The following OR51B5 variants were observed in gnomAD, a reference collection of about 807,000 sequenced individuals.
OR51B5 encodes the protein olfactory receptor family 51 subfamily B member 5, also known as olfactory receptor 51B5.
For missense variants in OR51B5, 456 were observed against 374.6 expected, an observed-to-expected ratio of 1.22 and a Z score of -1.79; for synonymous variants, 186 against 144.8, an observed-to-expected ratio of 1.28 and a Z score of -2.04.
chr11:5,474,439 C>A (rs1851273869), intron 1 of OR51B5, among the ~76,000 whole-genome samples: 1 of 152,092 alleles, frequency 6.6e-6, no homozygotes, highest in African/African-American at 2.4e-5. Flanking sequence ...CCCTACTAGC[C>A]TGCTAAGTAC....
chr11:5,413,841 C>A (rs1589982801), intron 1 of OR51B5, among the ~76,000 whole-genome samples: 2 of 151,560 alleles, frequency 1.3e-5, no homozygotes, highest in African/African-American at 2.4e-5. Context: ...AGAATGCAAC[C>A]AAGTTGGAAA....
At chr11:5,379,644 T>G (rs1259243726) in intron 1 of OR51B5, among the ~76,000 whole-genome samples, 6 of 151,926 alleles carry the variant, frequency 3.9e-5, no homozygotes, top group African/African-American at 1.2e-4. Flanking sequence ...TTGTGTTTTA[T>G]TTTTTAATTG....
At chr11:5,441,407 G>C (rs761275103) in intron 1 of OR51B5, 2 of 1,613,954 alleles carry the variant, frequency 1.2e-6, no homozygotes, top group South Asian at 2.2e-5. Context: ...AGATCATGTA[G>C]AGGATGCAGA....
intron 1 of OR51B5, among the ~76,000 whole-genome samples, chr11:5,438,591 T>C (rs1055209050): frequency 1.3e-5 from 2 of 152,216 alleles, no homozygotes; most frequent in Admixed American, 1.3e-4. Flanking sequence ...TTGCTCTTTT[T>C]TAGATATTTA....
chr11:5,460,489 A>G (rs1056561058), intron 1 of OR51B5, among the ~76,000 whole-genome samples: 42 of 151,842 alleles, frequency 2.8e-4, no homozygotes, highest in Admixed American at 1.2e-3. Context: ...AACTCGAGTC[A>G]TTTTACTGCT....
chr11:5,377,366 C>A (rs1002800791), intron 1 of OR51B5, among the ~76,000 whole-genome samples: 1 of 152,128 alleles, frequency 6.6e-6, no homozygotes, highest in African/African-American at 2.4e-5. Context: ...ACTGAATGGG[C>A]AAAAACTGGA....
intron 1 of OR51B5, among the ~76,000 whole-genome samples, chr11:5,479,165 G>A (rs1008188810): frequency 6.8e-4 from 100 of 147,522 alleles, no homozygotes; most frequent in Admixed American, 1.3e-3. Context: ...CGGATCTCTC[G>A]GCAGAAACCC....
intron 1 of OR51B5, chr11:5,455,144 CTTCTT>C (rs1850931081): frequency 6.6e-6 from 1 of 152,146 alleles, no homozygotes; most frequent in Non-Finnish European, 1.5e-5. Context: ...TTCTTCTTTA[CTTCTT>C]TTATCTGCCC....
At position 5,415,584 on chromosome 11, in the gene OR51B5, T is replaced by C. The variant is rs1241762703; in HGVS notation, n.85-68674A>G. On this transcript the variant is annotated intron_variant and non_coding_transcript_variant, in intron 1 of 4. Coordinates refer to the OR51B5 transcript ENST00000415970. ...ATCAAATAGATGCAATGAAAAATGA[T>C]AAAGGGGATATCACCACCGATCCCA... Among the ~76,000 whole-genome samples, 9 of 151,980 alleles carry C rather than the reference T, an allele frequency of 5.9e-5. No homozygotes were observed. The East Asian group carries it at 1.5e-3, about 26-fold the overall frequency.
At chr11:5,432,735 G>A (rs1850549624) in intron 1 of OR51B5, among the ~76,000 whole-genome samples, 1 of 152,176 alleles carries the variant, frequency 6.6e-6, no homozygotes, top group African/African-American at 2.4e-5. Context: ...AGGACCCAGA[G>A]AGAAAAATTG....
chr11:5,439,205 A>G (rs1415294708), intron 1 of OR51B5, among the ~76,000 whole-genome samples: 3 of 152,094 alleles, frequency 2.0e-5, no homozygotes, highest in Non-Finnish European at 2.9e-5. Context: ...GACAGGAGGT[A>G]GGAATTGAGG....
At chr11:5,442,265 AAAGT>A (rs1850700760) in intron 1 of OR51B5, among the ~76,000 whole-genome samples, 2 of 152,358 alleles carry the variant, frequency 1.3e-5, no homozygotes, top group South Asian at 4.1e-4. Context: ...ACCAAAGAAG[AAAGT>A]ATTTTATGGG....
intron 1 of OR51B5, among the ~76,000 whole-genome samples, chr11:5,357,646 A>C (rs1367158862): frequency 6.6e-6 from 1 of 151,388 alleles, no homozygotes; most frequent in Non-Finnish European, 1.5e-5. Context: ...CGGACCTAAT[A>C]GACATCTACA....
intron 1 of OR51B5, among the ~76,000 whole-genome samples, chr11:5,424,356 AAAACAAAC>A (rs575954424): frequency 1.3e-4 from 20 of 150,858 alleles, no homozygotes; most frequent in Non-Finnish European, 2.6e-4. Flanking sequence ...AAACAAACAA[AAAACAAAC>A]AAACAAACAA....
intron 1 of OR51B5, among the ~76,000 whole-genome samples, chr11:5,419,105 C>A (rs1031130151): frequency 2.0e-5 from 3 of 152,074 alleles, no homozygotes; most frequent in Non-Finnish European, 4.4e-5. Context: ...CTAAAATATT[C>A]CCCTTTATCT....
chr11:5,424,296 G>A (rs1231611141), intron 1 of OR51B5, among the ~76,000 whole-genome samples: 1 of 152,092 alleles, frequency 6.6e-6, no homozygotes, highest in Non-Finnish European at 1.5e-5. Context: ...ACATAGAAGG[G>A]TGAGGAAAAT....
intron 1 of OR51B5, among the ~76,000 whole-genome samples, chr11:5,475,872 G>T (rs997087744): frequency 7.9e-5 from 12 of 151,606 alleles, no homozygotes; most frequent in African/African-American, 2.9e-4. Flanking sequence ...TAGGGTACAT[G>T]TGACTAGCAT....
At chr11:5,501,848 T>C (rs2133820843) in intron 1 of OR51B5, among the ~76,000 whole-genome samples, 1 of 147,910 alleles carries the variant, frequency 6.8e-6, no homozygotes, top group East Asian at 2.0e-4. Flanking sequence ...ACATGTTCCA[T>C]GTTGGTTTGC....
At chr11:5,444,687 T>G (rs982869139) in intron 1 of OR51B5, among the ~76,000 whole-genome samples, 1 of 152,166 alleles carries the variant, frequency 6.6e-6, no homozygotes, top group Non-Finnish European at 1.5e-5. Flanking sequence ...CTCATTCTCC[T>G]AAGACTTATA....
Sources: gnomAD v4.1 joint callset for allele counts (sites outside exome capture counted in the v4.1 genomes callset) on GRCh38, gnomAD v4.1.1 for gene constraint, MANE v1.5 for transcripts, NCBI Gene and HGNC (gene_info 2026-07-23, HGNC 2026-07-21) for gene names.